Variants in CISD1 observed in about 807,000 individuals in gnomAD.
CISD1 encodes CDGSH iron-sulfur domain-containing protein 1.
Under a neutral mutation model 12.0 loss-of-function variants are expected in CISD1, and 8 were observed. The observed-to-expected ratio is 0.67, with a 90% CI of 0.39 to 1.20. The LOEUF is 1.20. CISD1 is among the 50% of genes most tolerant of loss of function. The probability of loss-of-function intolerance (pLI) is 0.01; values close to 1 mark genes in which losing one functional copy is unlikely to be tolerated. For synonymous variants in CISD1, 38 were observed against 42.2 expected (o/e 0.90, Z 0.39); for missense variants, 107 against 132.7 (o/e 0.81, Z 0.95).
chr10:58,284,070 A>G (rs1839401923), intron 2 of CISD1, among the ~76,000 whole-genome samples: 1 of 152,224 alleles, frequency 6.6e-6, no homozygotes, highest in Non-Finnish European at 1.5e-5. Flanking sequence ...TGTACTTCCT[A>G]CATTGTATTT....
rs960823972 is a variant in CISD1 at position 58,289,406 on chromosome 10, A to G, written c.*1756A>G. On this transcript the variant is annotated 3_prime_UTR_variant, in exon 3 of 3. Coordinates refer to ENST00000333926, the MANE Select transcript of CISD1 (RefSeq NM_018464.5). ...ACTATAGGATTATATGAGTGTGTGT[A>G]TACATATGGCAAAATTATAAATGAC... 2.0e-5 allele frequency: 3 copies of G among 152,104 alleles called. No homozygotes were observed. Among genetic ancestry groups the G allele is most frequent in the Admixed American group, 6.5e-5 (1 of 15,272 alleles). 9.4% of individuals were successfully genotyped at this position (152,104 alleles called of 1,614,324 possible). A position where few individuals can be genotyped will look rare whatever the true frequency, so the allele number is the denominator to read the frequency against.
intron 2 of CISD1, among the ~76,000 whole-genome samples, chr10:58,278,550 T>G (rs1372062296): frequency 1.3e-5 from 2 of 151,488 alleles, no homozygotes; most frequent in Admixed American, 1.3e-4. Flanking sequence ...AAAAATAAAA[T>G]AAAATACAAT....
At chr10:58,273,703 T>A (rs1839275613) in intron 1 of CISD1, among the ~76,000 whole-genome samples, 1 of 152,322 alleles carries the variant, frequency 6.6e-6, no homozygotes, top group South Asian at 2.1e-4. Context: ...CAGAAATTAT[T>A]GGAAGTGTTA....
At chr10:58,269,682 A>G (rs574649206) in intron 1 of CISD1, among the ~76,000 whole-genome samples, 29 of 152,338 alleles carry the variant, frequency 1.9e-4, no homozygotes, top group African/African-American at 6.7e-4. Context: ...TGCCCTTCTC[A>G]TGTTTCAGTC....
chr10:58,285,971 C>T (rs1190362230), intron 2 of CISD1, among the ~76,000 whole-genome samples: 1 of 151,840 alleles, frequency 6.6e-6, no homozygotes, highest in Admixed American at 6.6e-5. Context: ...TTTGGGAGGC[C>T]GAGGCAGGCG....
intron 1 of CISD1, among the ~76,000 whole-genome samples, chr10:58,272,174 C>T (rs1309094827): frequency 6.6e-6 from 1 of 151,334 alleles, no homozygotes; most frequent in African/African-American, 2.4e-5. Flanking sequence ...TATTTAGTGC[C>T]TCATAAAGAT....
chr10:58,285,268 A>G (rs2790190), intron 2 of CISD1, among the ~76,000 whole-genome samples: 24,147 of 152,178 alleles, frequency 0.16, 2,159 homozygotes, highest in East Asian at 0.31. Context: ...ATTTTTAGCT[A>G]ATTTAGTGCC....
intron 2 of CISD1, among the ~76,000 whole-genome samples, chr10:58,280,352 G>T (rs1839360496): frequency 6.6e-6 from 1 of 152,144 alleles, no homozygotes; most frequent in Non-Finnish European, 1.5e-5. Flanking sequence ...AAGATTTCGG[G>T]GAAAGGATCA....
chr10:58,274,822 A>G (rs1465930900), intron 1 of CISD1, among the ~76,000 whole-genome samples: 1 of 152,202 alleles, frequency 6.6e-6, no homozygotes, highest in Non-Finnish European at 1.5e-5. Context: ...AGCTTAAAAA[A>G]AAAAGTGACC....
At chr10:58,277,362 G>A in intron 2 of CISD1, 40 bp downstream of exon 2, 1 of 1,311,274 alleles carries the variant, frequency 7.6e-7, no homozygotes, top group South Asian at 1.4e-5. Context: ...CATTTTTAAT[G>A]TTATATTTCT....
intron 1 of CISD1, among the ~76,000 whole-genome samples, chr10:58,274,348 C>T (rs911263029): frequency 1.3e-5 from 2 of 151,278 alleles, no homozygotes; most frequent in African/African-American, 4.9e-5. Flanking sequence ...TGTATAGTTT[C>T]CTTTTCCTTT....
chr10:58,283,661 G>T (rs552132743), intron 2 of CISD1, among the ~76,000 whole-genome samples: 2 of 152,324 alleles, frequency 1.3e-5, no homozygotes, highest in African/African-American at 4.8e-5. Context: ...AAGAAATGTT[G>T]TGTTTTTATG....
chr10:58,269,220 C>A lies in CISD1; in HGVS notation c.-54C>A. 1 of 1,588,472 alleles carries A rather than the reference C, an allele frequency of 6.3e-7. No individual in the cohort carries two copies. Among genetic ancestry groups the A allele is most frequent in the Non-Finnish European group, 8.6e-7 (1 of 1,166,776 alleles). ...GGCACCTTTACTCTCGCCGGCCGCG[C>A]GAACCCGTTTGAGCTCGGTATCCTA... On this transcript the variant is annotated 5_prime_UTR_variant, in exon 1 of 3. Coordinates refer to ENST00000333926, the MANE Select transcript of CISD1 (RefSeq NM_018464.5).
chr10:58,279,752 A>G (rs1408842602), intron 2 of CISD1, among the ~76,000 whole-genome samples: 4 of 152,246 alleles, frequency 2.6e-5, no homozygotes, highest in African/African-American at 9.6e-5. Context: ...CGTGAGAAAC[A>G]TTAAAGAGTA....
At chr10:58,280,070 A>G (rs572429211) in intron 2 of CISD1, among the ~76,000 whole-genome samples, 3 of 152,356 alleles carry the variant, frequency 2.0e-5, no homozygotes, top group East Asian at 1.9e-4. Flanking sequence ...AAAAATTGGT[A>G]ACATTTGAAT....
intron 2 of CISD1, among the ~76,000 whole-genome samples, chr10:58,287,293 A>C (rs574408132): frequency 6.6e-6 from 1 of 152,320 alleles, no homozygotes; most frequent in African/African-American, 2.4e-5. Context: ...ACTAGAAAGG[A>C]ATGTAACTAA....
At chr10:58,271,056 T>TTTTTTTTTG (rs1839241758) in intron 1 of CISD1, among the ~76,000 whole-genome samples, 1 of 149,980 alleles carries the variant, frequency 6.7e-6, no homozygotes, top group African/African-American at 2.5e-5. Context: ...TTTTTTTTTT[T>TTTTTTTTTG]TGAGGCGGAG....
intron 2 of CISD1, among the ~76,000 whole-genome samples, chr10:58,282,257 C>T (rs78325838): frequency 3.3e-5 from 5 of 152,142 alleles, no homozygotes; most frequent in South Asian, 4.1e-4. Flanking sequence ...CCACTGTGTC[C>T]GGCCCAGAAA....
intron 1 of CISD1, among the ~76,000 whole-genome samples, chr10:58,271,043 A>T (rs867532492): frequency 0.068 from 8,724 of 127,894 alleles, 420 homozygotes; most frequent in African/African-American, 0.12. Flanking sequence ...TGCCATGACT[A>T]TTTTTTTTTT....
Sources: allele counts gnomAD v4.1 joint callset (sites outside exome capture counted in the v4.1 genomes callset), GRCh38; gene constraint gnomAD v4.1.1; transcripts MANE v1.5; gene names NCBI Gene and HGNC (gene_info 2026-07-23, HGNC 2026-07-21).